The following CDH4 variants were observed in gnomAD, a reference collection of about 807,000 sequenced individuals.
The protein encoded by CDH4 is cadherin-4.
A neutral mutation model predicts 86.0 loss-of-function variants in CDH4; 33 were observed. That is an observed-to-expected ratio of 0.38 (90% CI 0.29 to 0.51). The LOEUF (loss-of-function observed/expected upper bound fraction) is 0.51, where lower values mean the gene tolerates loss of function less well. Ranked by LOEUF, CDH4 falls within the 20% of genes least tolerant of loss-of-function variation. CDH4 has a pLI of 0.86. For synonymous variants in CDH4, 555 were observed against 549.4 expected (o/e 1.01, Z -0.14); for missense variants, 1,114 against 1,307.4 (o/e 0.85, Z 2.28).
Position 61,923,470 on chromosome 20 carries a change from A to T in CDH4, c.1394A>T (p.Asn465Ile). The change falls in exon 10 of 16, where the codon AAC (asparagine) becomes ATC (isoleucine). Residue 465 changes from asparagine (N) to isoleucine (I), a missense_variant. Physicochemically the swap from Asn to Ile is moderately radical, Grantham distance 149 (BLOSUM62 -3). This residue lies in a region of CDH4 where 705 missense variants were observed against 914.1 expected (regional missense o/e 0.77). Transcript: ENST00000614565. ...TTCCAGGCAGTCGACTACGAGCTCA[A>T]CAGAGCTTTCATGCTGACAGTGATG... Reference protein sequence around the residue: ...TVVKAVDYELNRAFMLTVMVS... With the variant: ...TVVKAVDYELIRAFMLTVMVS... 6.2e-7 allele frequency: 1 copy of T among 1,614,126 alleles called. No individual in the cohort carries two copies. Among genetic ancestry groups the T allele is most frequent in the East Asian group, 2.2e-5 (1 of 44,866 alleles).
chr20:61,860,089 C>T (rs989128900), intron 6 of CDH4, among the ~76,000 whole-genome samples: 9 of 152,252 alleles, frequency 5.9e-5, no homozygotes, highest in African/African-American at 1.4e-4. Context: ...ATGTGGCTCC[C>T]GGCAGTGACG....
chr20:61,652,000 TG>T (rs1365472428), intron 2 of CDH4, among the ~76,000 whole-genome samples: 1 of 152,190 alleles, frequency 6.6e-6, no homozygotes, highest in Non-Finnish European at 1.5e-5. Context: ...ATGGACCCAC[TG>T]GGTGGTGAAG....
chr20:61,545,525 C>T (rs2145662204), intron 2 of CDH4, among the ~76,000 whole-genome samples: 1 of 152,330 alleles, frequency 6.6e-6, no homozygotes, highest in South Asian at 2.1e-4. Flanking sequence ...CCACATCTTC[C>T]CCACTCTGTC....
chr20:61,662,577 G>T (rs184241953), intron 2 of CDH4, among the ~76,000 whole-genome samples: 240 of 152,342 alleles, frequency 1.6e-3, no homozygotes, highest in Non-Finnish European at 2.7e-3. Flanking sequence ...TGAGTCCCCA[G>T]CTGTGGCTGT....
At chr20:61,630,009 C>T (rs1213301654) in intron 2 of CDH4, among the ~76,000 whole-genome samples, 1 of 152,142 alleles carries the variant, frequency 6.6e-6, no homozygotes, top group African/African-American at 2.4e-5. Context: ...GCCCGGGCTC[C>T]GAGGCGGTGT....
intron 9 of CDH4, among the ~76,000 whole-genome samples, chr20:61,911,204 T>A (rs1487415787): frequency 6.6e-6 from 1 of 152,204 alleles, no homozygotes; most frequent in Non-Finnish European, 1.5e-5. Flanking sequence ...TTGGTCGTGC[T>A]TCTTTTTGTT....
chr20:61,668,654 T>C (rs2087353455), intron 2 of CDH4, among the ~76,000 whole-genome samples: 1 of 152,138 alleles, frequency 6.6e-6, no homozygotes, highest in Non-Finnish European at 1.5e-5. Flanking sequence ...AGAGGTGAAA[T>C]GGCACACCCA....
chr20:61,732,861 A>G (rs547921591), intron 2 of CDH4, among the ~76,000 whole-genome samples: 13 of 152,330 alleles, frequency 8.5e-5, no homozygotes, highest in African/African-American at 2.9e-4. Context: ...CGAGGCTTTG[A>G]TGTCTCAGGT....
At chr20:61,614,242 C>T (rs917782104) in intron 2 of CDH4, among the ~76,000 whole-genome samples, 2 of 152,010 alleles carry the variant, frequency 1.3e-5, no homozygotes, top group African/African-American at 4.8e-5. Flanking sequence ...AACTTTTTGC[C>T]CCACCCTCTG....
At chr20:61,766,576 C>T (rs1301046316) in intron 3 of CDH4, among the ~76,000 whole-genome samples, 2 of 152,210 alleles carry the variant, frequency 1.3e-5, no homozygotes, top group East Asian at 3.9e-4. Flanking sequence ...TCCTGATCAT[C>T]CCCCTTTCAC....
At position 61,666,876 on chromosome 20, in the gene CDH4, C is replaced by T. The variant is rs531176746; in HGVS notation, c.170-76687C>T. 4.2e-3 allele frequency among the ~76,000 whole-genome samples: 640 copies of T among 152,354 alleles called. 4 individuals carry two copies. The highest frequency in any genetic ancestry group is 0.014 in the African/African-American group (602 of 41,584). On this transcript the variant is annotated intron_variant, in intron 2 of 15. Transcript: ENST00000614565. ...CAGAGTCTGGGCCCAGCTTCCGCTT[C>T]CCCTGGGAGTGTGGTTACACTTGCC...
At chr20:61,673,540 G>A (rs976120131) in intron 2 of CDH4, among the ~76,000 whole-genome samples, 10 of 152,212 alleles carry the variant, frequency 6.6e-5, no homozygotes, top group South Asian at 2.1e-4. Context: ...CTGATATTCC[G>A]TGGGAGCAGC....
chr20:61,639,271 C>T (rs1459395238), intron 2 of CDH4, among the ~76,000 whole-genome samples: 1 of 152,182 alleles, frequency 6.6e-6, no homozygotes, highest in Non-Finnish European at 1.5e-5. Flanking sequence ...TACATACCCA[C>T]CATTCATACA....
At chr20:61,622,326 G>C (rs776294660) in intron 2 of CDH4, among the ~76,000 whole-genome samples, 1 of 152,240 alleles carries the variant, frequency 6.6e-6, no homozygotes, top group Non-Finnish European at 1.5e-5. Flanking sequence ...TCAGAAAGGG[G>C]AGAGGCCCCT....
intron 2 of CDH4, among the ~76,000 whole-genome samples, chr20:61,491,663 T>C (rs562523619): frequency 1.3e-5 from 2 of 152,362 alleles, no homozygotes; most frequent in South Asian, 4.1e-4. Context: ...TCCTCTGTTT[T>C]CGTTGGTGGT....
intron 2 of CDH4, among the ~76,000 whole-genome samples, chr20:61,506,951 T>C (rs952455956): frequency 6.6e-6 from 1 of 152,222 alleles, no homozygotes; most frequent in Non-Finnish European, 1.5e-5. Context: ...CATGAGGCTG[T>C]GGATGCCCCA....
At chr20:61,360,000 C>A (rs1201150571) in intron 2 of CDH4, among the ~76,000 whole-genome samples, 1 of 152,174 alleles carries the variant, frequency 6.6e-6, no homozygotes, top group Non-Finnish European at 1.5e-5. Flanking sequence ...TTGGTGAGAT[C>A]CTGGTTCCAA....
At chr20:61,313,251 A>G (rs2084457612) in intron 2 of CDH4, among the ~76,000 whole-genome samples, 1 of 152,132 alleles carries the variant, frequency 6.6e-6, no homozygotes, top group South Asian at 2.1e-4. Context: ...GTGGTTCAGC[A>G]TGCTTCACTG....
chr20:61,294,138 G>A (rs6513570), intron 2 of CDH4, among the ~76,000 whole-genome samples: 93,579 of 151,978 alleles, frequency 0.62, 29,073 homozygotes, highest in East Asian at 0.72. Flanking sequence ...GGTGGCTTCA[G>A]TCAGACTGGC....
Sources: gnomAD v4.1 joint callset for allele counts (sites outside exome capture counted in the v4.1 genomes callset) on GRCh38, gnomAD v4.1.1 for gene constraint, gnomAD v4.1.1 regional missense constraint, MANE v1.5 for transcripts, NCBI Gene and HGNC (gene_info 2026-07-23, HGNC 2026-07-21) for gene names.